QTRT2: variants seen among roughly 807,000 people sequenced by gnomAD.
The protein encoded by QTRT2 is queuine tRNA-ribosyltransferase domain containing 1.
A neutral mutation model predicts 44.8 loss-of-function variants in QTRT2; 32 were observed. The observed-to-expected ratio is 0.71, with a 90% CI of 0.54 to 0.96. The LOEUF is 0.96. Among genes scored for constraint, QTRT2 ranks in the 40% least tolerant of loss-of-function variants. QTRT2 has a pLI of 0.00. For synonymous variants in QTRT2, 182 were observed against 187.4 expected, an observed-to-expected ratio of 0.97 and a Z score of 0.24; for missense variants, 461 against 503.1, an observed-to-expected ratio of 0.92 and a Z score of 0.80.
At position 114,065,414 on chromosome 3, in the gene QTRT2, A is replaced by G. The variant is rs774107983; in HGVS notation, c.157A>G (p.Ile53Val). 4.3e-6 allele frequency: 7 copies of G among 1,613,936 alleles called. No individual in the cohort carries two copies. The highest frequency in any genetic ancestry group is 3.3e-5 in the Admixed American group (2 of 59,974). Residue 53 changes from isoleucine (I) to valine (V), a missense_variant, in exon 3 of 10, where the codon ATC (isoleucine) becomes GTC (valine). By Grantham distance (29) the Ile-to-Val change is conservative. Coordinates refer to ENST00000281273, the MANE Select transcript of QTRT2 (RefSeq NM_024638.4). ...CCTCACCCATCACACGCTGCATAAT[A>G]TCCACGGGGTTCCTGCCATGGCTCA... The part of the protein sequence containing the change: ...PHLTHHTLHN[I>V]HGVPAMAQLT...
At chr3:114,079,184 G>T (rs1274295203) in intron 7 of QTRT2, 1 of 152,230 alleles carries the variant, frequency 6.6e-6, no homozygotes, top group Non-Finnish European at 1.5e-5. Flanking sequence ...GACCAGGGAG[G>T]TTGTTCAGAA....
chr3:114,079,882 C>G (rs1034147769), intron 7 of QTRT2, 24 bp from the exon 8 acceptor site: 2 of 1,609,380 alleles, frequency 1.2e-6, no homozygotes, highest in African/African-American at 1.3e-5. Flanking sequence ...CCTCATGTCA[C>G]TGTTCTTATT....
rs75606822 is a variant in QTRT2, at chr3:114,060,783, A to G, written c.-22+3677A>G. ...TATGGCTTCCCTTTGGCATATCCGTATTGCCAGCATCACAACTCTTGTGCT... is the reference window on the plus strand; with the variant it reads ...TATGGCTTCCCTTTGGCATATCCGTGTTGCCAGCATCACAACTCTTGTGCT... On this transcript the variant is annotated intron_variant, in intron 2 of 9. Coordinates refer to ENST00000281273, the MANE Select transcript of QTRT2 (RefSeq NM_024638.4). Among the ~76,000 whole-genome samples, 190 of 152,256 alleles carry G rather than the reference A, an allele frequency of 1.2e-3. 2 individuals are homozygous for G. Among genetic ancestry groups the G allele is most frequent in the East Asian group, 9.4e-3 (49 of 5,188 alleles).
In QTRT2 at chr3:114,085,655, C is replaced by G. The variant is rs1188674616; in HGVS notation, c.1017-18C>G. The G allele has an allele frequency of 1.3e-6, 2 of 1,598,426 alleles. No individual in the cohort carries two copies. The highest frequency in any genetic ancestry group is 2.2e-5 in the South Asian group (2 of 90,780). ...GTATTCCGTACTTTCTGGAATGTCA[C>G]TGTGACTTCTTTCTTAGGTACCAGG... On this transcript the variant is annotated intron_variant, in intron 9 of 9. Transcript: ENST00000281273.
chr3:114,065,160 A>ATTTT, intron 2 of QTRT2, 77 bp from the exon 3 acceptor site: 1 of 786,602 alleles, frequency 1.3e-6, no homozygotes, highest in Non-Finnish European at 2.0e-6. Flanking sequence ...TTTCCTGAAG[A>ATTTT]TTTTTTTTTT....
intron 6 of QTRT2, among the ~76,000 whole-genome samples, chr3:114,075,753 C>T (rs2107799537): frequency 6.6e-6 from 1 of 152,218 alleles, no homozygotes; most frequent in South Asian, 2.1e-4. Context: ...AAGTGATCCA[C>T]CTGCCTCGGC....
chr3:114,067,070 C>A (rs1243349266), intron 4 of QTRT2, among the ~76,000 whole-genome samples: 1 of 152,130 alleles, frequency 6.6e-6, no homozygotes, highest in Non-Finnish European at 1.5e-5. Flanking sequence ...GAATGAAAAT[C>A]CTGTTTCCAT....
chr3:114,060,332 T>G (rs1345097266), intron 2 of QTRT2, among the ~76,000 whole-genome samples: 1 of 152,184 alleles, frequency 6.6e-6, no homozygotes, highest in Non-Finnish European at 1.5e-5. Flanking sequence ...TGGCTGCCTT[T>G]ATACTCTTAG....
chr3:114,060,285 G>T (rs1043450634), intron 2 of QTRT2, among the ~76,000 whole-genome samples: 6 of 152,158 alleles, frequency 3.9e-5, no homozygotes, highest in East Asian at 3.9e-4. Flanking sequence ...TGAGAGAAAG[G>T]TAAGTCTTGG....
chr3:114,074,613 AT>A (rs1490950235), intron 6 of QTRT2, among the ~76,000 whole-genome samples: 5 of 152,166 alleles, frequency 3.3e-5, no homozygotes, highest in African/African-American at 9.7e-5. Flanking sequence ...GAATAGTCTG[AT>A]TATGTCCCTC....
At chr3:114,064,768 T>C (rs2076930655) in intron 2 of QTRT2, among the ~76,000 whole-genome samples, 1 of 152,206 alleles carries the variant, frequency 6.6e-6, no homozygotes, top group South Asian at 2.1e-4. Context: ...TTTTCTTCAC[T>C]TAACAGCATT....
At chr3:114,067,384 A>G (rs987066334) in intron 4 of QTRT2, among the ~76,000 whole-genome samples, 3 of 152,184 alleles carry the variant, frequency 2.0e-5, no homozygotes, top group African/African-American at 4.8e-5. Flanking sequence ...GTGGGCTAGC[A>G]TATGATATTT....
chr3:114,068,217 A>C, intron 5 of QTRT2, 154 bp downstream of exon 5: 1 of 633,588 alleles, frequency 1.6e-6, no homozygotes, highest in Non-Finnish European at 2.8e-6. Context: ...GGTTTATAAG[A>C]CTTAGAGTAG....
At chr3:114,070,559 T>C in intron 5 of QTRT2, 67 bp from the exon 6 acceptor site, 1 of 1,349,604 alleles carries the variant, frequency 7.4e-7, no homozygotes, top group Non-Finnish European at 1.1e-6. Context: ...TGCTTTATCA[T>C]TTTAATTATT....
At position 114,070,635 on chromosome 3, in the gene QTRT2, G is replaced by T; in HGVS notation, c.343G>T (p.Val115Leu). The change falls in exon 6 of 10, where the codon GTG (valine) becomes TTG (leucine). Residue 115 changes from valine (V) to leucine (L), a missense_variant. By Grantham distance (32) the Val-to-Leu change is conservative. Coordinates refer to ENST00000281273, the MANE Select transcript of QTRT2 (RefSeq NM_024638.4). The stretch of plus-strand genomic sequence containing the variant: ...TTTTGCTCCATGGCAGTCTGTGTCT[G>T]TGTGGAGTGTTGCAGGACGAGTGGA... Reference protein sequence around the residue: ...AGYVTNKSVSVWSVAGRVEMT... With the variant: ...AGYVTNKSVSLWSVAGRVEMT... 1 of 1,613,978 alleles carries T rather than the reference G, an allele frequency of 6.2e-7. No homozygotes were observed. Among genetic ancestry groups the T allele is most frequent in the Non-Finnish European group, 8.5e-7 (1 of 1,179,886 alleles).
intron 5 of QTRT2, among the ~76,000 whole-genome samples, chr3:114,069,430 G>A (rs1028499762): frequency 3.9e-5 from 6 of 152,008 alleles, no homozygotes; most frequent in Admixed American, 2.0e-4. Flanking sequence ...AGTGTCTGTT[G>A]TTCCCTTCTT....
chr3:114,083,071 C>T, intron 9 of QTRT2: 1 of 385,488 alleles, frequency 2.6e-6, no homozygotes, highest in South Asian at 2.2e-5. Context: ...TCTTGTATTC[C>T]TTTAGAGCAT....
At chr3:114,076,647 A>G in intron 6 of QTRT2, 96 bp from the exon 7 acceptor site, 1 of 1,125,044 alleles carries the variant, frequency 8.9e-7, no homozygotes, top group Non-Finnish European at 1.3e-6. Flanking sequence ...AGCTTCACTG[A>G]GGTCTCTTCT....
intron 6 of QTRT2, among the ~76,000 whole-genome samples, chr3:114,075,921 A>G (rs190690448): frequency 6.6e-6 from 1 of 152,250 alleles, no homozygotes; most frequent in Non-Finnish European, 1.5e-5. Flanking sequence ...TTGTATAACC[A>G]TATTTTTTAT....
Sources: allele counts gnomAD v4.1 joint callset (sites outside exome capture counted in the v4.1 genomes callset), GRCh38; gene constraint gnomAD v4.1.1; transcripts MANE v1.5; gene names NCBI Gene and HGNC (gene_info 2026-07-23, HGNC 2026-07-21).